DNAH12: variants seen among roughly 807,000 people sequenced by gnomAD.
DNAH12 encodes the protein dynein axonemal heavy chain 12.
A neutral mutation model predicts 371.5 loss-of-function variants in DNAH12; 285 were observed. The ratio of observed to expected loss-of-function variants is 0.77; its 90% confidence interval spans 0.70 to 0.85. The LOEUF (loss-of-function observed/expected upper bound fraction) is 0.85. Ranked by LOEUF, DNAH12 falls within the 40% of genes least tolerant of loss-of-function variation. The pLI is 0.00. For synonymous variants in DNAH12, 1,200 were observed against 1,213.0 expected (o/e 0.99, Z 0.22); for missense variants, 3,611 against 3,689.4 (o/e 0.98, Z 0.55).
At chr3:57,384,715 G>A (rs1054833930) in intron 49 of DNAH12, 114 bp downstream of exon 49, 41 of 152,238 alleles carry the variant, frequency 2.7e-4, no homozygotes, top group African/African-American at 8.9e-4. Context: ...CATTTGACTG[G>A]ACAAAAACAA....
chr3:57,365,720 C>CT (rs1377779270), intron 57 of DNAH12, among the ~76,000 whole-genome samples: 3 of 151,818 alleles, frequency 2.0e-5, no homozygotes, highest in African/African-American at 7.3e-5. Flanking sequence ...CCTTTCCAAT[C>CT]TTTTTTTATT....
intron 36 of DNAH12, among the ~76,000 whole-genome samples, chr3:57,420,851 G>T (rs1031550723): frequency 7.0e-6 from 1 of 143,108 alleles, no homozygotes; most frequent in African/African-American, 2.7e-5. Context: ...GGAGCTTGCA[G>T]TGAGCCGAGA....
rs905641399 is a variant in DNAH12, at chr3:57,323,495, A to G, written c.10103T>C (p.Leu3368Pro). 6.5e-7 allele frequency: 1 copy of G among 1,550,098 alleles called. No individual in the cohort carries two copies. Among genetic ancestry groups the G allele is most frequent in the Non-Finnish European group, 8.7e-7 (1 of 1,146,594 alleles). Residue 3368 changes from leucine to proline, a missense_variant, in exon 63 of 74, where the codon CTA becomes CCA. Around this residue, in one of 3 missense-constraint regions of DNAH12, gnomAD observed 2,266 missense variants for 2,236.9 expected, o/e 1.01. Transcript: ENST00000495027. The part of the protein sequence containing the change: ...SNCTIPLIFV[L>P]SPGADPMASL... ...GGCCATAGGATCTGCTCCTGGAGAT[A>G]GAACAAAAATTAAGGGAATGGTGCA... is the stretch of plus-strand genomic sequence containing the variant.
At chr3:57,402,905 T>G (rs977095557) in intron 43 of DNAH12, among the ~76,000 whole-genome samples, 2 of 152,250 alleles carry the variant, frequency 1.3e-5, no homozygotes, top group Non-Finnish European at 2.9e-5. Flanking sequence ...ATTTTATGCA[T>G]GTATCAAAAT....
the DNAH12 span, among the ~76,000 whole-genome samples, chr3:57,549,578 T>C: frequency 6.6e-6 from 1 of 152,008 alleles, no homozygotes; most frequent in African/African-American, 2.4e-5. Flanking sequence ...CTCTCTCTCT[T>C]CTTTCTTTTG....
At chr3:57,474,630 G>A (rs945843740) in intron 13 of DNAH12, among the ~76,000 whole-genome samples, 3 of 151,914 alleles carry the variant, frequency 2.0e-5, no homozygotes, top group Non-Finnish European at 4.4e-5. Context: ...AATTTTAAAA[G>A]AAAAATTGAG....
At chr3:57,299,182 A>G (rs1183323448) in intron 70 of DNAH12, among the ~76,000 whole-genome samples, 8 of 152,178 alleles carry the variant, frequency 5.3e-5, no homozygotes, top group Admixed American at 6.6e-5. Flanking sequence ...CCACAAGGCA[A>G]ACATTTAGAA....
chr3:57,470,550 G>A lies in DNAH12; in HGVS notation c.1998C>T (p.Phe666=), dbSNP rs2066336627. ...VQFINKEEEL[F]KWELTKYPEL... is the part of the protein sequence containing the mutation. The stretch of plus-strand genomic sequence containing the variant: ...CAGGATATTTTGTCAATTCCCACTT[G>A]AAAAGTTCCTCTTCTTTATTAATAA... Residue 666 remains phenylalanine, a synonymous_variant, in exon 16 of 74, where the codon TTC becomes TTT. Transcript: ENST00000495027. 1.3e-6 allele frequency: 2 copies of A among 1,549,870 alleles called. No homozygotes were observed. Among genetic ancestry groups the A allele is most frequent in the Non-Finnish European group, 1.7e-6 (2 of 1,146,594 alleles).
At chr3:57,346,443 G>A (rs979465882) in intron 60 of DNAH12, among the ~76,000 whole-genome samples, 19 of 152,128 alleles carry the variant, frequency 1.2e-4, no homozygotes, top group Middle Eastern at 6.8e-3. Context: ...TTTTAAAAAA[G>A]TAAGTATAAT....
intron 45 of DNAH12, among the ~76,000 whole-genome samples, chr3:57,390,424 A>AAAAATATATATATATATATATAT: frequency 9.0e-5 from 3 of 33,432 alleles, no homozygotes; most frequent in Non-Finnish European, 2.1e-4. Flanking sequence ...AAAAAAAAAA[A>AAAAATATATATATATATATATAT]ATATATATAT....
chr3:57,542,308 G>T (rs912084440), intron 2 of DNAH12, among the ~76,000 whole-genome samples: 1 of 152,116 alleles, frequency 6.6e-6, no homozygotes, highest in African/African-American at 2.4e-5. Context: ...GACCAGTATG[G>T]TTATAATATA....
At position 57,446,032 on chromosome 3, in the gene DNAH12, T is replaced by A. The variant is rs1175078335; in HGVS notation, c.4178A>T (p.Lys1393Met). The change falls in exon 27 of 74, where the codon AAG (lysine) becomes ATG (methionine). Residue 1393 changes from lysine to methionine, a missense_variant and splice_region_variant. Around this residue, in one of 3 missense-constraint regions of DNAH12, gnomAD observed 2,266 missense variants for 2,236.9 expected, o/e 1.01. Coordinates refer to ENST00000495027, the MANE Select transcript of DNAH12 (RefSeq NM_001366028.2). ...AAATAAATAAATAAATAATATTACC[T>A]TAAGATTGTCCGGCAATTCAGAGCG... is the stretch of plus-strand genomic sequence containing the variant. Reference protein sequence around the residue: ...AGRSELPDNLKVLFRTVAMMV... With the variant: ...AGRSELPDNLMVLFRTVAMMV... 1 of 1,542,694 alleles carries A rather than the reference T, an allele frequency of 6.5e-7. No individual in the cohort carries two copies. Among genetic ancestry groups the A allele is most frequent in the South Asian group, 1.2e-5 (1 of 82,104 alleles).
rs114223323 is a variant in DNAH12, at chr3:57,504,108, A to G, written c.994T>C (p.Phe332Leu). Residue 332 changes from phenylalanine (F) to leucine (L), a missense_variant, in exon 9 of 74, where the codon TTT (phenylalanine) becomes CTT (leucine). Around this residue, in one of 3 missense-constraint regions of DNAH12, gnomAD observed 1,314 missense variants for 1,398.7 expected, o/e 0.94. Coordinates refer to ENST00000495027, the MANE Select transcript of DNAH12 (RefSeq NM_001366028.2). ...RLPIFKIELT[F>L]DDDKMEFYPT... ...TAAAATTCCATTTTGTCGTCATCAA[A>G]TGTCAATTCTATCTTAAATATTGGC... 5.1e-4 allele frequency: 821 copies of G among 1,613,976 alleles called. 8 individuals are homozygous for G. The East Asian group carries it at 0.017, about 32-fold the overall frequency.
In DNAH12 at chr3:57,458,189, A is replaced by G. The variant is rs763414913; in HGVS notation, c.2963T>C (p.Leu988Ser). The G allele has an allele frequency of 1.9e-6, 3 of 1,549,622 alleles. No individual in the cohort carries two copies. Among genetic ancestry groups the G allele is most frequent in the South Asian group, 2.4e-5 (2 of 83,274 alleles). ...TTCATTGCAGTTCTGTAGTTTTTCC[A>G]ATAAACCTGTTAAAGAAGTGGCAGC... The part of the protein sequence containing the change: ...VLAATSLTGL[L>S]EKLQNCNELL... The change falls in exon 21 of 74, where the codon TTG becomes TCG. Residue 988 changes from leucine (L) to serine (S), a missense_variant. Leu to Ser is a moderately radical substitution (Grantham distance 145). Transcript: ENST00000495027.
chr3:57,525,154 C>CAAA (rs5849213), intron 2 of DNAH12, among the ~76,000 whole-genome samples: 8 of 109,472 alleles, frequency 7.3e-5, no homozygotes, highest in African/African-American at 9.7e-5. Context: ...AGAGGAGAAA[C>CAAA]AAAAAAAAAA....
rs1377761886 is a variant in DNAH12, at chr3:57,454,861, G to A, written c.3370C>T (p.Arg1124Ter). 11 of 1,551,006 alleles carry A rather than the reference G, an allele frequency of 7.1e-6. No individual in the cohort carries two copies. The highest frequency in any genetic ancestry group is 2.4e-5 in the South Asian group (2 of 83,994). Residue 1124 changes from arginine to a stop codon, truncating the protein, a stop_gained, in exon 23 of 74, where the codon CGA becomes TGA. Coordinates refer to ENST00000495027, the MANE Select transcript of DNAH12 (RefSeq NM_001366028.2). LOFTEE classifies it high-confidence loss of function. Reference sequence around the variant, plus strand: ...AGTACAACTTGGCCAGGCCACTCTCGAACCCAGTCTCTTCTTGCAGATTCT... The same window carrying A: ...AGTACAACTTGGCCAGGCCACTCTCAAACCCAGTCTCTTCTTGCAGATTCT... Reference protein sequence around the residue: ...YPESARRDWVREWPGQVVLCI... With the variant: ...YPESARRDWV
At chr3:57,428,935 G>C in intron 33 of DNAH12, 114 bp from the exon 34 acceptor site, 1 of 969,466 alleles carries the variant, frequency 1.0e-6, no homozygotes, top group East Asian at 2.7e-5. Context: ...GCTCCCATCT[G>C]CTTCACATAG....
chr3:57,374,885 C>G (rs2063250717), intron 55 of DNAH12, among the ~76,000 whole-genome samples: 1 of 151,980 alleles, frequency 6.6e-6, no homozygotes, highest in Non-Finnish European at 1.5e-5. Context: ...GGGAAATAAT[C>G]AGAACAATTA....
chr3:57,314,499 G>A lies in DNAH12; in HGVS notation c.10657C>T (p.Leu3553=). The change falls in exon 66 of 74, where the codon CTG becomes TTG. Residue 3553 remains leucine, a synonymous_variant. Coordinates refer to ENST00000495027, the MANE Select transcript of DNAH12 (RefSeq NM_001366028.2). ...ESDLRISIRQ[L]QLFINEYDTI... is the part of the protein sequence containing the mutation. ...TAATTTCTTGTTAATTTTACCTGCA[G>A]TTGTCGGATACTGATGCGCAAGTCA... 6.4e-7 allele frequency: 1 copy of A among 1,550,888 alleles called. No individual in the cohort carries two copies. Among genetic ancestry groups the A allele is most frequent in the Non-Finnish European group, 8.7e-7 (1 of 1,146,788 alleles).
Sources: allele counts gnomAD v4.1 joint callset (sites outside exome capture counted in the v4.1 genomes callset), GRCh38; gene constraint gnomAD v4.1.1; regional missense constraint gnomAD v4.1.1; transcripts MANE v1.5; gene names NCBI Gene and HGNC (gene_info 2026-07-23, HGNC 2026-07-21).